CDIN1: variants seen among roughly 807,000 people sequenced by gnomAD.
CDIN1 encodes CDAN1 interacting nuclease 1.
A neutral mutation model predicts 45.3 loss-of-function variants in CDIN1; 33 were observed. The observed-to-expected ratio is 0.73, with a 90% CI of 0.55 to 0.97. The LOEUF (loss-of-function observed/expected upper bound fraction) is 0.97, where lower values mean the gene tolerates loss of function less well. Among genes scored for constraint, CDIN1 ranks in the 50% least tolerant of loss-of-function variants. The pLI, the probability that CDIN1 is intolerant of heterozygous loss-of-function variation, is 0.00. For synonymous variants in CDIN1, 118 were observed against 124.4 expected, an observed-to-expected ratio of 0.95 and a Z score of 0.34; for missense variants, 303 against 339.4, an observed-to-expected ratio of 0.89 and a Z score of 0.84.
chr15:36,601,679 A>G (rs1273085881), intron 1 of CDIN1, among the ~76,000 whole-genome samples: 1 of 152,196 alleles, frequency 6.6e-6, no homozygotes, highest in East Asian at 1.9e-4. Context: ...CTTCAAGCTA[A>G]GCTGCTTTAT....
intron 1 of CDIN1, chr15:36,618,829 A>T (rs1008233333): frequency 2.4e-6 from 2 of 821,232 alleles, no homozygotes; most frequent in Admixed American, 3.4e-5. Context: ...TCAACCAGAC[A>T]ACTATACCAG....
intron 10 of CDIN1, among the ~76,000 whole-genome samples, chr15:36,740,036 A>G (rs1167382853): frequency 6.6e-6 from 1 of 152,098 alleles, no homozygotes; most frequent in Non-Finnish European, 1.5e-5. Flanking sequence ...TTCACTGAAT[A>G]TGGTTTGTTG....
chr15:36,734,435 T>A, intron 10 of CDIN1: 1 of 397,842 alleles, frequency 2.5e-6, no homozygotes, highest in Non-Finnish European at 4.9e-6. Context: ...TATTTTCCAC[T>A]GAGTTCAGTC....
chr15:36,771,118 C>G (rs191819267), intron 10 of CDIN1, among the ~76,000 whole-genome samples: 1 of 152,176 alleles, frequency 6.6e-6, no homozygotes, highest in African/African-American at 2.4e-5. Flanking sequence ...GGAGGAAACC[C>G]AGGCCATTCT....
At chr15:36,654,495 A>G (rs1451859003) in intron 4 of CDIN1, among the ~76,000 whole-genome samples, 1 of 147,554 alleles carries the variant, frequency 6.8e-6, no homozygotes, top group Non-Finnish European at 1.5e-5. Flanking sequence ...TACCTGTGTC[A>G]AGTAAAGAGA....
chr15:36,595,935 G>A (rs763951207), intron 1 of CDIN1, among the ~76,000 whole-genome samples: 5 of 152,264 alleles, frequency 3.3e-5, no homozygotes, highest in East Asian at 1.9e-4. Flanking sequence ...GGTGCCCACC[G>A]ACCATTGCCA....
chr15:36,663,147 C>G (rs995230796), intron 5 of CDIN1, among the ~76,000 whole-genome samples: 1 of 152,036 alleles, frequency 6.6e-6, no homozygotes, highest in African/African-American at 2.4e-5. Context: ...CAATTTAAGA[C>G]AGAGAACTCT....
At chr15:36,661,122 G>T (rs761137760) in intron 5 of CDIN1, among the ~76,000 whole-genome samples, 18 of 152,182 alleles carry the variant, frequency 1.2e-4, no homozygotes, top group Non-Finnish European at 2.2e-4. Flanking sequence ...GGATGGCAGT[G>T]CTGGTGCTCA....
chr15:36,620,616 A>G (rs141747415), intron 1 of CDIN1, among the ~76,000 whole-genome samples: 146 of 152,322 alleles, frequency 9.6e-4, no homozygotes, highest in African/African-American at 3.2e-3. Flanking sequence ...TCTAAATTTC[A>G]GAATTGAACA....
intron 1 of CDIN1, among the ~76,000 whole-genome samples, chr15:36,593,724 C>T (rs371066290): frequency 1.3e-5 from 2 of 151,996 alleles, no homozygotes; most frequent in African/African-American, 2.4e-5. Flanking sequence ...CCACCACGAC[C>T]GGCTAATTTT....
At chr15:36,634,091 T>A (rs2039796626) in intron 1 of CDIN1, among the ~76,000 whole-genome samples, 2 of 152,116 alleles carry the variant, frequency 1.3e-5, no homozygotes, top group Non-Finnish European at 2.9e-5. Flanking sequence ...ATTCTGTGTT[T>A]AGTCAAAAAG....
intron 10 of CDIN1, among the ~76,000 whole-genome samples, chr15:36,720,625 A>G (rs923410701): frequency 1.3e-5 from 2 of 152,090 alleles, no homozygotes; most frequent in Admixed American, 6.6e-5. Context: ...CTTTGTAGCT[A>G]CATAGTATTC....
chr15:36,762,469 GTTGTT>G (rs900298196), intron 10 of CDIN1, among the ~76,000 whole-genome samples: 8 of 150,024 alleles, frequency 5.3e-5, no homozygotes, highest in East Asian at 1.9e-4. Context: ...TGCCCCATAT[GTTGTT>G]TTGTTTTGTT....
chr15:36,717,010 G>A (rs539355310), intron 10 of CDIN1, among the ~76,000 whole-genome samples: 82 of 152,220 alleles, frequency 5.4e-4, no homozygotes, highest in African/African-American at 1.9e-3. Context: ...TGGTAAATAC[G>A]TTGGAAGAGG....
In CDIN1 at chr15:36,744,509, A is replaced by T. The variant is rs149026960; in HGVS notation, c.716+34548A>T. On this transcript the variant is annotated intron_variant, in intron 10 of 10. Transcript: ENST00000566621. ...GCCTACTATGTTCACCATTCTGGGA[A>T]CCAGGAATGCAGAAATGAACAAGAC... Among the ~76,000 whole-genome samples, 911 of 152,286 alleles carry T rather than the reference A, an allele frequency of 6.0e-3. 3 individuals carry two copies. Among genetic ancestry groups the T allele is most frequent in the Admixed American group, 0.01 (154 of 15,298 alleles).
intron 10 of CDIN1, among the ~76,000 whole-genome samples, chr15:36,732,308 G>A (rs142668767): frequency 1.3e-5 from 2 of 151,994 alleles, no homozygotes; most frequent in South Asian, 2.1e-4. Context: ...GGGAGGAACT[G>A]TACTAGGAAA....
At chr15:36,748,068 T>C (rs1873993855) in intron 10 of CDIN1, among the ~76,000 whole-genome samples, 1 of 152,134 alleles carries the variant, frequency 6.6e-6, no homozygotes, top group Non-Finnish European at 1.5e-5. Context: ...GGAAATAACT[T>C]TGGTTCTCAT....
chr15:36,640,984 C>G (rs979239982), intron 1 of CDIN1, among the ~76,000 whole-genome samples: 2 of 152,152 alleles, frequency 1.3e-5, no homozygotes, highest in Non-Finnish European at 2.9e-5. Context: ...TTTAGGATCT[C>G]TAGGCACGTC....
intron 1 of CDIN1, among the ~76,000 whole-genome samples, chr15:36,591,558 A>G (rs1242814408): frequency 6.6e-6 from 1 of 152,178 alleles, no homozygotes; most frequent in Non-Finnish European, 1.5e-5. Context: ...AAAATATATA[A>G]AGATAAAAAT....
Sources: allele counts gnomAD v4.1 joint callset (sites outside exome capture counted in the v4.1 genomes callset), GRCh38; gene constraint gnomAD v4.1.1; transcripts MANE v1.5; gene names NCBI Gene and HGNC (gene_info 2026-07-23, HGNC 2026-07-21).